BCKDHB: variants seen among roughly 807,000 people sequenced by gnomAD.
The protein encoded by BCKDHB is branched chain keto acid dehydrogenase E1 subunit beta.
In BCKDHB, 41 loss-of-function variants were observed where a neutral mutation model predicts 48.5. The ratio of observed to expected loss-of-function variants is 0.85; its 90% CI spans 0.66 to 1.10. BCKDHB has a LOEUF of 1.10. Among genes scored for constraint, BCKDHB ranks in the 50% least tolerant of loss-of-function variants. The pLI is 0.00. For missense variants in BCKDHB, 496 were observed against 494.2 expected, an observed-to-expected ratio of 1.00 and a Z score of -0.03; for synonymous variants, 201 against 174.8, an observed-to-expected ratio of 1.15 and a Z score of -1.18.
intron 9 of BCKDHB, among the ~76,000 whole-genome samples, chr6:80,302,639 G>A (rs1486498330): frequency 6.6e-6 from 1 of 152,134 alleles, no homozygotes; most frequent in African/African-American, 2.4e-5. Context: ...TTTGTTATAT[G>A]TCAGTGCAAA....
intron 9 of BCKDHB, among the ~76,000 whole-genome samples, chr6:80,291,657 G>GT (rs995428374): frequency 1.5e-4 from 22 of 150,560 alleles, no homozygotes; most frequent in South Asian, 4.2e-4. Flanking sequence ...CATCCCTTTT[G>GT]TTTTTTTTTC....
At chr6:80,179,590 G>A (rs948710662) in intron 6 of BCKDHB, among the ~76,000 whole-genome samples, 3 of 152,062 alleles carry the variant, frequency 2.0e-5, no homozygotes, top group Admixed American at 6.6e-5. Context: ...TCTTCAAGAA[G>A]TCCTGAACCA....
chr6:80,247,826 T>C (rs1776677956), intron 8 of BCKDHB, among the ~76,000 whole-genome samples: 1 of 152,208 alleles, frequency 6.6e-6, no homozygotes, highest in Non-Finnish European at 1.5e-5. Flanking sequence ...TTAGTGGAAG[T>C]CTATGTTGTG....
At chr6:80,335,443 G>A (rs189105912) in intron 9 of BCKDHB, among the ~76,000 whole-genome samples, 19 of 152,024 alleles carry the variant, frequency 1.2e-4, no homozygotes, top group Admixed American at 7.2e-4. Flanking sequence ...AAACGTTGCC[G>A]TCAGTGCTTT....
At chr6:80,309,500 T>C (rs1768048215) in intron 9 of BCKDHB, among the ~76,000 whole-genome samples, 1 of 152,208 alleles carries the variant, frequency 6.6e-6, no homozygotes, top group African/African-American at 2.4e-5. Flanking sequence ...AAAATATTTA[T>C]CTTTGAAATA....
chr6:80,132,635 A>G (rs1279386919), intron 3 of BCKDHB, among the ~76,000 whole-genome samples: 1 of 152,190 alleles, frequency 6.6e-6, no homozygotes, highest in African/African-American at 2.4e-5. Flanking sequence ...GGCTGAGCTA[A>G]CTAATGGCTA....
chr6:80,219,396 G>A (rs777665441), intron 8 of BCKDHB, among the ~76,000 whole-genome samples: 2 of 152,000 alleles, frequency 1.3e-5, no homozygotes, highest in Admixed American at 6.6e-5. Flanking sequence ...TAGTAGAGAC[G>A]GGATTTCACC....
the BCKDHB span, among the ~76,000 whole-genome samples, chr6:80,428,531 C>G: frequency 6.6e-6 from 1 of 152,306 alleles, no homozygotes; most frequent in African/African-American, 2.4e-5. Context: ...TCTCCAGCAT[C>G]TGTTGTTTCC....
the BCKDHB span, among the ~76,000 whole-genome samples, chr6:80,369,928 T>C: frequency 7.9e-6 from 1 of 126,932 alleles, no homozygotes; most frequent in Non-Finnish European, 1.8e-5. Context: ...ATATTTTATT[T>C]ATGATATGTT....
At chr6:80,227,587 C>T (rs1167252473) in intron 8 of BCKDHB, among the ~76,000 whole-genome samples, 1 of 152,128 alleles carries the variant, frequency 6.6e-6, no homozygotes, top group African/African-American at 2.4e-5. Flanking sequence ...ATTCAGTTAG[C>T]TCATTAACAC....
intron 3 of BCKDHB, among the ~76,000 whole-genome samples, chr6:80,159,024 G>A (rs1772188123): frequency 6.6e-6 from 1 of 152,092 alleles, no homozygotes; most frequent in Non-Finnish European, 1.5e-5. Flanking sequence ...GTGAGTAAGG[G>A]GAACACCATT....
At chr6:80,125,690 A>G (rs551314670) in intron 1 of BCKDHB, among the ~76,000 whole-genome samples, 1 of 152,140 alleles carries the variant, frequency 6.6e-6, no homozygotes, top group Non-Finnish European at 1.5e-5. Context: ...AAGGAGAATG[A>G]CTGGTCAGTG....
At chr6:80,374,133 A>T in the BCKDHB span, 3 of 710,734 alleles carry the variant, frequency 4.2e-6, no homozygotes, top group South Asian at 1.3e-5. Context: ...GCTCATCTCA[A>T]TGTGGCAGGG....
intron 9 of BCKDHB, among the ~76,000 whole-genome samples, chr6:80,318,627 G>A (rs1167479810): frequency 1.3e-5 from 2 of 150,608 alleles, no homozygotes; most frequent in Non-Finnish European, 1.5e-5. Flanking sequence ...GGAGGTTGCA[G>A]TGAGCCAAGA....
chr6:80,389,443 G>A, the BCKDHB span, among the ~76,000 whole-genome samples: 175 of 152,316 alleles, frequency 1.1e-3, no homozygotes, highest in African/African-American at 4.0e-3. Context: ...GACCTTGTCC[G>A]TAATGGAAAG....
At chr6:80,402,520 A>G in the BCKDHB span, among the ~76,000 whole-genome samples, 19 of 151,822 alleles carry the variant, frequency 1.3e-4, no homozygotes, top group Admixed American at 3.3e-4. Context: ...ACTCATCATC[A>G]GATGTGTGGT....
intron 9 of BCKDHB, among the ~76,000 whole-genome samples, chr6:80,291,955 T>C (rs1766937629): frequency 6.6e-6 from 1 of 152,210 alleles, no homozygotes; most frequent in Non-Finnish European, 1.5e-5. Context: ...CTCTGTTCCA[T>C]GAAAGGAATC....
Position 80,126,534 on chromosome 6 carries a change from A to G in BCKDHB, c.197-1013A>G, listed in dbSNP as rs192635473. 3.1e-3 allele frequency among the ~76,000 whole-genome samples: 472 copies of G among 152,262 alleles called. 2 individuals are homozygous for G. The highest frequency in any genetic ancestry group is 0.011 in the African/African-American group (456 of 41,558). ...AGGTTAGGTGGGCAGTGATCAGGGTAAGCAACAGGTATCGAAATGATTTGT... is the reference window on the plus strand; with the variant it reads ...AGGTTAGGTGGGCAGTGATCAGGGTGAGCAACAGGTATCGAAATGATTTGT... On this transcript the variant is annotated intron_variant, in intron 1 of 9. Coordinates refer to ENST00000320393, the MANE Select transcript of BCKDHB (RefSeq NM_183050.4).
intron 8 of BCKDHB, among the ~76,000 whole-genome samples, chr6:80,238,797 G>C (rs560349398): frequency 6.6e-6 from 1 of 151,904 alleles, no homozygotes; most frequent in East Asian, 1.9e-4. Context: ...TCCCCACCCT[G>C]TGTCCAAGTA....
Sources: allele counts gnomAD v4.1 joint callset (sites outside exome capture counted in the v4.1 genomes callset), GRCh38; gene constraint gnomAD v4.1.1; transcripts MANE v1.5; gene names NCBI Gene and HGNC (gene_info 2026-07-23, HGNC 2026-07-21).